The following NRG3 variants were observed in gnomAD, a reference collection of about 807,000 sequenced individuals.
NRG3 encodes the protein neuregulin 3.
A neutral mutation model predicts 66.9 loss-of-function variants in NRG3; 31 were observed. The observed-to-expected ratio is 0.46, with a 90% CI of 0.35 to 0.63. The LOEUF (loss-of-function observed/expected upper bound fraction) is 0.63, where lower values mean the gene tolerates loss of function less well. Among genes scored for constraint, NRG3 ranks in the 20% least tolerant of loss-of-function variants. NRG3 has a pLI of 0.00. For synonymous variants in NRG3, 393 were observed against 359.4 expected (o/e 1.09, Z -1.06); for missense variants, 910 against 878.9 (o/e 1.04, Z -0.45).
intron 2 of NRG3, among the ~76,000 whole-genome samples, chr10:82,444,708 G>A (rs1177131097): frequency 6.6e-6 from 1 of 152,048 alleles, no homozygotes; most frequent in African/African-American, 2.4e-5. Flanking sequence ...TCAGGACATA[G>A]GAACAGAAAA....
At chr10:82,587,689 T>C (rs970574680) in intron 2 of NRG3, among the ~76,000 whole-genome samples, 1 of 152,144 alleles carries the variant, frequency 6.6e-6, no homozygotes, top group Non-Finnish European at 1.5e-5. Context: ...GCCGCTGATA[T>C]GACAGATGGA....
At chr10:82,735,106 C>A (rs1210774699) in intron 2 of NRG3, among the ~76,000 whole-genome samples, 1 of 151,960 alleles carries the variant, frequency 6.6e-6, no homozygotes, top group Admixed American at 6.6e-5. Context: ...GTAACAAATC[C>A]TTTATCTCAA....
intron 1 of NRG3, among the ~76,000 whole-genome samples, chr10:81,906,275 CA>C (rs1844599742): frequency 6.6e-6 from 1 of 152,052 alleles, no homozygotes; most frequent in South Asian, 2.1e-4. Context: ...AGAAAAAAAA[CA>C]GACCCTGCTC....
At chr10:82,004,819 A>C (rs1190190886) in intron 1 of NRG3, among the ~76,000 whole-genome samples, 1 of 152,190 alleles carries the variant, frequency 6.6e-6, no homozygotes, top group Non-Finnish European at 1.5e-5. Flanking sequence ...CTGGGAGATG[A>C]TGGACGTCTG....
intron 3 of NRG3, among the ~76,000 whole-genome samples, chr10:82,840,664 C>A (rs913827652): frequency 1.1e-4 from 16 of 152,078 alleles, no homozygotes; most frequent in Non-Finnish European, 1.9e-4. Flanking sequence ...ATTAAAAGAA[C>A]AAGGGTTTAT....
At chr10:82,371,158 G>C (rs1589881653) in intron 2 of NRG3, among the ~76,000 whole-genome samples, 1 of 152,176 alleles carries the variant, frequency 6.6e-6, no homozygotes, top group African/African-American at 2.4e-5. Flanking sequence ...TGACCATACT[G>C]GGCAGTGAAG....
At chr10:82,151,224 G>A (rs1388306871) in intron 1 of NRG3, among the ~76,000 whole-genome samples, 1 of 152,226 alleles carries the variant, frequency 6.6e-6, no homozygotes, top group Non-Finnish European at 1.5e-5. Flanking sequence ...TGCAGTACCA[G>A]TGTCAGGGCC....
At chr10:82,627,572 A>G (rs2049515675) in intron 2 of NRG3, among the ~76,000 whole-genome samples, 1 of 152,204 alleles carries the variant, frequency 6.6e-6, no homozygotes, top group Admixed American at 6.5e-5. Context: ...ACTTTATCAT[A>G]TATTGAAATT....
At chr10:81,881,241 A>G (rs1439443089) in intron 1 of NRG3, among the ~76,000 whole-genome samples, 2 of 150,802 alleles carry the variant, frequency 1.3e-5, no homozygotes, top group Non-Finnish European at 2.9e-5. Context: ...ACAAGGAGTC[A>G]ATACTCATTA....
chr10:82,442,784 A>ATTTTTTTTTTTT lies in NRG3; in HGVS notation c.953+83936_953+83947dup, dbSNP rs61261285. ...CACCAAAGATCTTATTTCTGTGTGG[A>ATTTTTTTTTTTT]TTTTTTTTTTTTTTTTTTTTTTTTT... is the stretch of plus-strand genomic sequence containing the variant. On this transcript the variant is annotated intron_variant, in intron 2 of 8. Coordinates refer to ENST00000372141, the MANE Select transcript of NRG3 (RefSeq NM_001010848.4). 5.3e-4 allele frequency among the ~76,000 whole-genome samples: 29 copies of ATTTTTTTTTTTT among 54,274 alleles called. 2 individuals are homozygous for ATTTTTTTTTTTT. Among genetic ancestry groups the ATTTTTTTTTTTT allele is most frequent in the African/African-American group, 1.4e-3 (15 of 11,008 alleles). The allele number at this position is 54,274 out of a possible 152,430, so 35.6% of individuals were successfully genotyped here. A position where few individuals can be genotyped will look rare whatever the true frequency, so the allele number is the denominator to read the frequency against.
At position 81,891,982 on chromosome 10, in the gene NRG3, C is replaced by T. The variant is rs75703972; in HGVS notation, c.823+15819C>T. 3.0e-3 allele frequency among the ~76,000 whole-genome samples: 454 copies of T among 152,292 alleles called. 1 individual carries two copies. The highest frequency in any genetic ancestry group is 0.01 in the African/African-American group (421 of 41,554). On this transcript the variant is annotated intron_variant, in intron 1 of 8. Transcript: ENST00000372141. ...CTCTGTCCACACACATATAAACACA[C>T]ACAGATGAAGATTTTGTTTTTGTTT...
At chr10:82,692,825 G>A (rs1399690662) in intron 2 of NRG3, among the ~76,000 whole-genome samples, 1 of 151,500 alleles carries the variant, frequency 6.6e-6, no homozygotes, top group Non-Finnish European at 1.5e-5. Context: ...TCTGCCTCCT[G>A]CCTCTATCAA....
chr10:82,340,554 A>G (rs1296948994), intron 1 of NRG3, among the ~76,000 whole-genome samples: 1 of 152,242 alleles, frequency 6.6e-6, no homozygotes. Flanking sequence ...TTAAGTAATT[A>G]AAGTGAGTGA....
At chr10:82,433,448 G>C (rs2089949067) in intron 2 of NRG3, among the ~76,000 whole-genome samples, 1 of 152,114 alleles carries the variant, frequency 6.6e-6, no homozygotes, top group Non-Finnish European at 1.5e-5. Flanking sequence ...TTCTTTTGCT[G>C]TGCAGAAGCT....
intron 2 of NRG3, among the ~76,000 whole-genome samples, chr10:82,459,516 T>C (rs1466519425): frequency 6.6e-6 from 1 of 152,186 alleles, no homozygotes; most frequent in African/African-American, 2.4e-5. Context: ...ATCCCTGACC[T>C]CATTCAGAAG....
intron 2 of NRG3, among the ~76,000 whole-genome samples, chr10:82,685,724 A>G (rs1397653238): frequency 2.0e-5 from 3 of 152,226 alleles, no homozygotes; most frequent in African/African-American, 7.2e-5. Flanking sequence ...CACATTGTAC[A>G]GCCATATGAA....
At chr10:82,054,050 A>G (rs1214456877) in intron 1 of NRG3, among the ~76,000 whole-genome samples, 3 of 152,290 alleles carry the variant, frequency 2.0e-5, no homozygotes, top group Admixed American at 2.0e-4. Flanking sequence ...CGGAGAAGTA[A>G]TAGGGTTCTA....
chr10:82,717,703 G>A (rs138380839), intron 2 of NRG3, among the ~76,000 whole-genome samples: 418 of 152,094 alleles, frequency 2.7e-3, no homozygotes, highest in African/African-American at 9.4e-3. Context: ...ACCTGTGGCC[G>A]GAAAAGCTTT....
chr10:82,393,376 G>C (rs750698454), intron 2 of NRG3, among the ~76,000 whole-genome samples: 1 of 152,160 alleles, frequency 6.6e-6, no homozygotes, highest in Non-Finnish European at 1.5e-5. Context: ...CCAGGAAGGA[G>C]CCCTGTGGGA....
Sources: gnomAD v4.1 joint callset for allele counts (sites outside exome capture counted in the v4.1 genomes callset) on GRCh38, gnomAD v4.1.1 for gene constraint, MANE v1.5 for transcripts, NCBI Gene and HGNC (gene_info 2026-07-23, HGNC 2026-07-21) for gene names.